The following PTPDC1 variants were observed in gnomAD, a reference collection of about 807,000 sequenced individuals.
PTPDC1 encodes protein tyrosine phosphatase domain containing 1, also known as protein tyrosine phosphatase domain-containing protein 1.
PTPDC1 carries 53 observed loss-of-function variants against 75.3 expected under a neutral mutation model. The ratio of observed to expected loss-of-function variants is 0.70; its 90% CI spans 0.56 to 0.88. The LOEUF is 0.88. PTPDC1 is among the 40% of genes least tolerant of loss of function. The pLI is 0.00. For synonymous variants in PTPDC1, 349 were observed against 366.2 expected, an observed-to-expected ratio of 0.95 and a Z score of 0.54; for missense variants, 925 against 998.6, an observed-to-expected ratio of 0.93 and a Z score of 0.99.
At chr9:94,060,844 T>C (rs959180965) in intron 1 of PTPDC1, among the ~76,000 whole-genome samples, 2 of 152,128 alleles carry the variant, frequency 1.3e-5, no homozygotes, top group African/African-American at 4.8e-5. Flanking sequence ...ACCTTCAACA[T>C]TGGGGATTAC....
Position 94,097,962 on chromosome 9 carries a change from C to T in PTPDC1, c.1396C>T (p.Gln466Ter). 3.1e-6 allele frequency: 5 copies of T among 1,614,200 alleles called. No homozygotes were observed. Among genetic ancestry groups the T allele is most frequent in the Non-Finnish European group, 4.2e-6 (5 of 1,180,032 alleles). The change falls in exon 6 of 9, where the codon CAG (glutamine) becomes TAG (stop). Residue 466 changes from glutamine to a stop codon, truncating the protein, a stop_gained. Transcript: ENST00000620992. LOFTEE classifies it high-confidence loss of function. ...CCTCCTGGAGCAAGGGGAGACTCCA[C>T]AGACAGTGCCTGCCCAGATCTTGGT... ...ENLLEQGETP[Q>*]TVPAQILVGH...
rs1828117307 is a variant in PTPDC1, at chr9:94,109,044, G to A, written c.*1100G>A. 1.3e-5 allele frequency: 2 copies of A among 152,242 alleles called. No individual in the cohort carries two copies. The highest frequency in any genetic ancestry group is 3.8e-4 in the East Asian group (2 of 5,208). 9.4% of individuals were successfully genotyped at this position (152,242 alleles called of 1,614,324 possible). A position where few individuals can be genotyped will look rare whatever the true frequency, so the allele number is the denominator to read the frequency against. On this transcript the variant is annotated 3_prime_UTR_variant, in exon 9 of 9. Coordinates refer to ENST00000620992, the MANE Select transcript of PTPDC1 (RefSeq NM_001253829.2). ...TTATATTTGGCTGCTTTCTTACAAT[G>A]AGAATTAAGATTTTTAAACTGAAGT...
rs1366749693 is a variant in PTPDC1, at chr9:94,107,998, C to G, written c.*54C>G. The G allele has an allele frequency of 1.9e-6, 2 of 1,027,638 alleles. No individual in the cohort carries two copies. Among genetic ancestry groups the G allele is most frequent in the Non-Finnish European group, 1.4e-6 (1 of 723,576 alleles). The allele number at this position is 1,027,638 out of a possible 1,614,324, so 63.7% of individuals were successfully genotyped here. Reference sequence around the variant, plus strand: ...TAAAGATCCAGATAGTATCTCTGTTCATATGTGAATAAGTTGAAGATTGTG... The same window carrying G: ...TAAAGATCCAGATAGTATCTCTGTTGATATGTGAATAAGTTGAAGATTGTG... On this transcript the variant is annotated 3_prime_UTR_variant, in exon 9 of 9. Transcript: ENST00000620992.
rs1309734084 is a variant in PTPDC1, at chr9:94,084,676, C to T, written c.146C>T (p.Thr49Met). 19 of 1,613,602 alleles carry T rather than the reference C, an allele frequency of 1.2e-5. No individual in the cohort carries two copies. The highest frequency in any genetic ancestry group is 5.0e-5 in the Admixed American group (3 of 59,970). The part of the protein sequence containing the change: ...RGSGLGSGSA[T>M]KLLSSSSLQV... ...TCTGGCTTGGGCTCCGGCTCTGCCA[C>T]GAAGCTGCTGTCCTCGTCCTCTCTC... is the stretch of plus-strand genomic sequence containing the variant. The change falls in exon 1 of 9, where the codon ACG becomes ATG. Residue 49 changes from threonine to methionine, a missense_variant. By Grantham distance (81) the Thr-to-Met change is moderately conservative. Coordinates refer to ENST00000620992, the MANE Select transcript of PTPDC1 (RefSeq NM_001253829.2).
At chr9:94,035,969 T>G (rs1210568203) in intron 1 of PTPDC1, among the ~76,000 whole-genome samples, 1 of 152,084 alleles carries the variant, frequency 6.6e-6, no homozygotes, top group Non-Finnish European at 1.5e-5. Context: ...TTTGTATGTC[T>G]TATTTGGAAA....
At chr9:94,105,117 T>C (rs1827969171) in intron 8 of PTPDC1, among the ~76,000 whole-genome samples, 1 of 152,230 alleles carries the variant, frequency 6.6e-6, no homozygotes, top group Non-Finnish European at 1.5e-5. Flanking sequence ...TAACAAGTTA[T>C]AAAGATTCTT....
intron 3 of PTPDC1, 89 bp from the exon 4 acceptor site, chr9:94,088,056 G>GT: frequency 4.6e-6 from 7 of 1,508,726 alleles, no homozygotes; most frequent in Non-Finnish European, 6.3e-6. Flanking sequence ...ATTTTTGAGA[G>GT]TAATTAATAA....
At chr9:94,107,301 G>A (rs780747256) in intron 8 of PTPDC1, among the ~76,000 whole-genome samples, 2 of 152,138 alleles carry the variant, frequency 1.3e-5, no homozygotes, top group Admixed American at 6.6e-5. Flanking sequence ...TCATAGATAC[G>A]CTATCCTATG....
intron 4 of PTPDC1, among the ~76,000 whole-genome samples, chr9:94,091,912 G>A (rs1416243417): frequency 5.9e-5 from 9 of 151,850 alleles, no homozygotes; most frequent in Admixed American, 5.9e-4. Context: ...TTGTATTTCT[G>A]TGGGATCAGT....
chr9:94,100,014 G>A (rs2118077626), intron 6 of PTPDC1: 1 of 152,314 alleles, frequency 6.6e-6, no homozygotes, highest in African/African-American at 2.4e-5. Flanking sequence ...TATTTGAATA[G>A]TATAATGCCA....
chr9:94,083,727 C>T (rs545767729), upstream of PTPDC1, among the ~76,000 whole-genome samples: 18 of 152,182 alleles, frequency 1.2e-4, no homozygotes, highest in South Asian at 3.5e-3. Flanking sequence ...ATGCCTCTGC[C>T]AAGACATTAT....
intron 1 of PTPDC1, chr9:94,038,094 A>T (rs1825326221): frequency 1.8e-6 from 1 of 550,592 alleles, no homozygotes; most frequent in Admixed American, 2.1e-5. Context: ...CACACCGTGG[A>T]AAAGGGAGGC....
chr9:94,052,395 T>C (rs1385242004), intron 1 of PTPDC1, among the ~76,000 whole-genome samples: 1 of 152,186 alleles, frequency 6.6e-6, no homozygotes, highest in African/African-American at 2.4e-5. Context: ...TTGTGTTCTA[T>C]CTTGGTGACT....
rs538079708 is a variant in PTPDC1 at position 94,042,513 on chromosome 9, T to TA, written c.-7+11394dup. ...ATTAAGTGTGCAGTAGCATTAGGTC[T>TA]AAAAAAAATAATGTATATACGTTAA... On this transcript the variant is annotated intron_variant, in intron 1 of 9. Transcript: ENST00000375360. Among the ~76,000 whole-genome samples the TA allele has an allele frequency of 4.9e-4, 75 of 152,088 alleles. No homozygotes were observed. The South Asian group carries it at 0.014, about 29-fold the overall frequency.
At position 94,097,802 on chromosome 9, in the gene PTPDC1, T is replaced by A; in HGVS notation, c.1236T>A (p.Asn412Lys). 1 of 1,614,158 alleles carries A rather than the reference T, an allele frequency of 6.2e-7. No homozygotes were observed. The change falls in exon 6 of 9, where the codon AAT becomes AAA. Residue 412 changes from asparagine (N) to lysine (K), a missense_variant. Transcript: ENST00000620992. ...CTGCAGTGGCAGCAGATTTTGACAA[T>A]CGAGGCATGATTTTCTCCAATGAGC... Reference protein sequence around the residue: ...NPTAVAADFDNRGMIFSNEQQ... With the variant: ...NPTAVAADFDKRGMIFSNEQQ...
chr9:94,063,986 A>G (rs572125700), intron 1 of PTPDC1, among the ~76,000 whole-genome samples: 1 of 152,360 alleles, frequency 6.6e-6, no homozygotes, highest in Non-Finnish European at 1.5e-5. Flanking sequence ...ATCTTGTATC[A>G]CAGTCAACTC....
chr9:94,030,852 G>C (rs1053169026), exon 1 of PTPDC1: 2 of 152,132 alleles, frequency 1.3e-5, no homozygotes, highest in Non-Finnish European at 2.9e-5. Context: ...GCCCCGCCAC[G>C]GGGAGCAGCC....
intron 6 of PTPDC1, chr9:94,101,353 T>G (rs1190797926): frequency 2.3e-6 from 1 of 427,884 alleles, no homozygotes; most frequent in Non-Finnish European, 4.1e-6. Flanking sequence ...ATGAGTTTCA[T>G]AGAGAGAAAC....
At chr9:94,044,815 G>A (rs947533474) in intron 1 of PTPDC1, among the ~76,000 whole-genome samples, 9 of 151,116 alleles carry the variant, frequency 6.0e-5, no homozygotes, top group African/African-American at 2.2e-4. Context: ...CCTCGTTCCT[G>A]ATTTAAGGGG....
Sources: gnomAD v4.1 joint callset for allele counts (sites outside exome capture counted in the v4.1 genomes callset) on GRCh38, gnomAD v4.1.1 for gene constraint, MANE v1.5 for transcripts, NCBI Gene and HGNC (gene_info 2026-07-23, HGNC 2026-07-21) for gene names.